DPH7: variants seen among roughly 807,000 people sequenced by gnomAD.
DPH7 encodes diphthamide biosynthesis 7.
Under a neutral mutation model 41.7 loss-of-function variants are expected in DPH7, and 44 were observed. The ratio of observed to expected loss-of-function variants is 1.05; its 90% CI spans 0.83 to 1.36. DPH7 has a LOEUF of 1.36. Ranked by LOEUF, DPH7 falls within the 40% of genes most tolerant of loss-of-function variation. The probability of loss-of-function intolerance (pLI) is 0.00; values close to 1 mark genes in which losing one functional copy is unlikely to be tolerated. For synonymous variants in DPH7, 275 were observed against 238.0 expected, an observed-to-expected ratio of 1.16 and a Z score of -1.43; for missense variants, 629 against 577.5, an observed-to-expected ratio of 1.09 and a Z score of -0.91.
chr9:137,577,241 C>T (rs752606174), intron 2 of DPH7, among the ~76,000 whole-genome samples: 41 of 152,054 alleles, frequency 2.7e-4, no homozygotes, highest in East Asian at 7.7e-4. Context: ...AAACAAAAGA[C>T]GCCCCAGGTT....
intron 5 of DPH7, among the ~76,000 whole-genome samples, chr9:137,573,169 G>A: frequency 6.6e-6 from 1 of 151,830 alleles, no homozygotes; most frequent in East Asian, 1.9e-4. Context: ...AGACCACCCT[G>A]GCTAACACAG....
rs71493678 is a variant in DPH7, at chr9:137,577,053, C to CAAAAA, written c.287+412_287+416dup. 1.4e-3 allele frequency among the ~76,000 whole-genome samples: 195 copies of CAAAAA among 139,262 alleles called. 2 individuals are homozygous for CAAAAA. The highest frequency in any genetic ancestry group is 3.3e-3 in the African/African-American group (124 of 37,598). The allele number at this position is 139,262 out of a possible 152,430, so 91.4% of individuals were successfully genotyped here. A position where few individuals can be genotyped will look rare whatever the true frequency, so the allele number is the denominator to read the frequency against. On this transcript the variant is annotated intron_variant, in intron 2 of 8. Transcript: ENST00000277540. The stretch of plus-strand genomic sequence containing the variant: ...TGGGCAACGGAACAAAACCCTGCCT[C>CAAAAA]AAAAAAAAAAAAATTAAAAAGGATA...
chr9:137,573,276 G>A (rs1840762342), intron 5 of DPH7, among the ~76,000 whole-genome samples: 1 of 150,444 alleles, frequency 6.6e-6, no homozygotes, highest in Admixed American at 6.7e-5. Flanking sequence ...CAGGAGAATG[G>A]CGTGAACCTG....
intron 5 of DPH7, among the ~76,000 whole-genome samples, chr9:137,571,477 G>A (rs573347886): frequency 2.0e-5 from 3 of 152,216 alleles, no homozygotes; most frequent in South Asian, 2.1e-4. Flanking sequence ...GAGCCACCGC[G>A]CCTGGCCTAT....
intron 8 of DPH7, 58 bp downstream of exon 8, chr9:137,564,376 A>AG: frequency 6.4e-7 from 1 of 1,560,372 alleles, no homozygotes; most frequent in Non-Finnish European, 8.7e-7. Context: ...CAGCAGAGCG[A>AG]GGGGGCAGGG....
intron 8 of DPH7, among the ~76,000 whole-genome samples, chr9:137,558,530 G>A (rs1188627456): frequency 6.6e-6 from 1 of 152,162 alleles, no homozygotes; most frequent in African/African-American, 2.4e-5. Flanking sequence ...GCTCCAACAG[G>A]GGTGAACCTT....
chr9:137,571,614 C>CCT, intron 5 of DPH7, among the ~76,000 whole-genome samples: 1 of 151,920 alleles, frequency 6.6e-6, no homozygotes, highest in East Asian at 1.9e-4. Flanking sequence ...ATGGTAAAAC[C>CCT]GCATCTCTAC....
rs189100304 is a variant in DPH7, at chr9:137,563,744, G to A, written c.949+690C>T. Among the ~76,000 whole-genome samples the A allele has an allele frequency of 3.5e-3, 529 of 152,126 alleles. 4 individuals carry two copies. The highest frequency in any genetic ancestry group is 0.012 in the African/African-American group (516 of 41,482). ...TGTGATTGCTTATTTTTGGAGTGAGGGGAGAGAGAAGAGGCGAAAGAGGAG... is the reference window on the plus strand; with the variant it reads ...TGTGATTGCTTATTTTTGGAGTGAGAGGAGAGAGAAGAGGCGAAAGAGGAG... On this transcript the variant is annotated intron_variant, in intron 8 of 8. Coordinates refer to ENST00000277540, the MANE Select transcript of DPH7 (RefSeq NM_138778.5).
chr9:137,564,395 C>T, intron 8 of DPH7, 39 bp downstream of exon 8: 1 of 1,589,760 alleles, frequency 6.3e-7, no homozygotes, highest in Non-Finnish European at 8.6e-7. Context: ...GGAACTGGTG[C>T]CCTGCCCTGA....
chr9:137,578,584 G>T, intron 1 of DPH7, 41 bp downstream of exon 1: 1 of 1,432,322 alleles, frequency 7.0e-7, no homozygotes, highest in Non-Finnish European at 9.1e-7. Context: ...CAACCTCGTG[G>T]CCGGCCCCGC....
chr9:137,574,815 C>A lies in DPH7; in HGVS notation c.404G>T (p.Ser135Ile), dbSNP rs759058181. The A allele has an allele frequency of 5.6e-6, 9 of 1,613,906 alleles. No homozygotes were observed. The East Asian group carries it at 2.0e-4, about 36-fold the overall frequency. Reference sequence around the variant, plus strand: ...CAGACACTGCTCCTCCAGGGCAAGGCTGGACAATGGCTCCAGCACGTGGCT... The same window carrying A: ...CAGACACTGCTCCTCCAGGGCAAGGATGGACAATGGCTCCAGCACGTGGCT... ...EKSHVLEPLS[S>I]LALEEQCLAL... is the part of the protein sequence containing the mutation. Residue 135 changes from serine (S) to isoleucine (I), a missense_variant, in exon 4 of 9, where the codon AGC becomes ATC. By Grantham distance (142) the Ser-to-Ile change is moderately radical. Transcript: ENST00000277540.
chr9:137,569,266 C>A (rs563997638), intron 5 of DPH7, among the ~76,000 whole-genome samples: 1 of 149,620 alleles, frequency 6.7e-6, no homozygotes, highest in Admixed American at 6.7e-5. Flanking sequence ...ATCCACCCCC[C>A]GACCTCACCC....
intron 8 of DPH7, among the ~76,000 whole-genome samples, chr9:137,563,045 G>A (rs1231831569): frequency 2.0e-5 from 3 of 152,082 alleles, no homozygotes; most frequent in African/African-American, 7.2e-5. Flanking sequence ...TCAGGAGGCT[G>A]AGATGGGAGG....
At position 137,574,237 on chromosome 9, in the gene DPH7, T is replaced by A; in HGVS notation, c.611A>T (p.Asn204Ile). The change falls in exon 5 of 9, where the codon AAT becomes ATT. Residue 204 changes from asparagine (N) to isoleucine (I), a missense_variant. Coordinates refer to ENST00000277540, the MANE Select transcript of DPH7 (RefSeq NM_138778.5). Reference sequence around the variant, plus strand: ...ATACACAATTTCTGGATGCCAGTAATTGAAAGCAGCAATCCAGGCCTCGAA... The same window carrying A: ...ATACACAATTTCTGGATGCCAGTAAATGAAAGCAGCAATCCAGGCCTCGAA... ...HQFEAWIAAF[N>I]YWHPEIVYSG... 6.2e-7 allele frequency: 1 copy of A among 1,614,142 alleles called. No individual in the cohort carries two copies.
At chr9:137,571,385 C>T (rs760792284) in intron 5 of DPH7, among the ~76,000 whole-genome samples, 8 of 151,964 alleles carry the variant, frequency 5.3e-5, no homozygotes, top group Non-Finnish European at 1.2e-4. Flanking sequence ...TGGGGTTTCA[C>T]CATGTTGGCC....
chr9:137,556,807 C>T lies in DPH7; in HGVS notation c.950-1159G>A, dbSNP rs1408590939. ...ACGTCCACTCGGGCCAGCAGGACCT[C>T]TTCTACAGCTTAGGAAAAGGTAATA... On this transcript the variant is annotated intron_variant, in intron 8 of 8. Transcript: ENST00000277540. This position sits in a 1 kb window ranked among gnomAD's most constrained non-coding sequence, Gnocchi z 5.2. 3.1e-5 allele frequency: 14 copies of T among 456,622 alleles called. No homozygotes were observed. The highest frequency in any genetic ancestry group is 2.3e-4 in the Admixed American group (10 of 42,580). 28.3% of individuals were successfully genotyped at this position (456,622 alleles called of 1,614,324 possible). A position where few individuals can be genotyped will look rare whatever the true frequency, so the allele number is the denominator to read the frequency against.
intron 4 of DPH7, 98 bp downstream of exon 4, chr9:137,574,654 G>T: frequency 8.4e-7 from 1 of 1,187,914 alleles, no homozygotes; most frequent in Non-Finnish European, 1.2e-6. Flanking sequence ...GAGGAGCACA[G>T]TCGCAGCTCG....
Position 137,564,579 on chromosome 9 carries a change from G to A in DPH7, c.804C>T (p.Asp268=), listed in dbSNP as rs775931836. Reference sequence around the variant, plus strand: ...CCAACGGCTGCTTCATGTTTCGTGTGTCCCACAGTAGGATGTGTTCATCAT... The same window carrying A: ...CCAACGGCTGCTTCATGTTTCGTGTATCCCACAGTAGGATGTGTTCATCAT... ...GSYDEHILLW[D]TRNMKQPLAD... is the part of the protein sequence containing the mutation. Residue 268 remains aspartate (D), a synonymous_variant, in exon 8 of 9, where the codon GAC becomes GAT. Coordinates refer to ENST00000277540, the MANE Select transcript of DPH7 (RefSeq NM_138778.5). 12 of 1,613,730 alleles carry A rather than the reference G, an allele frequency of 7.4e-6. No homozygotes were observed. In the South Asian group the frequency reaches 1.3e-4, roughly 18 times the overall value.
In DPH7 at chr9:137,556,116, C is replaced by T. The variant is rs888214172; in HGVS notation, c.950-468G>A. Among the ~76,000 whole-genome samples, 10 of 152,104 alleles carry T rather than the reference C, an allele frequency of 6.6e-5. No homozygotes were observed. The highest frequency in any genetic ancestry group is 1.3e-4 in the Admixed American group (2 of 15,268). On this transcript the variant is annotated intron_variant, in intron 8 of 8. Coordinates refer to ENST00000277540, the MANE Select transcript of DPH7 (RefSeq NM_138778.5). The surrounding 1 kb of genome is among the most constrained non-coding windows in gnomAD (Gnocchi z 5.2). ...GTCAGTGAGTGACAGTGGGCTGGAG[C>T]GTCCCAAGCATGCAGGGTCCGGCAC...
Sources: allele counts gnomAD v4.1 joint callset (sites outside exome capture counted in the v4.1 genomes callset), GRCh38; gene constraint gnomAD v4.1.1; non-coding constraint Gnocchi (gnomAD v3.1); transcripts MANE v1.5; gene names NCBI Gene and HGNC (gene_info 2026-07-23, HGNC 2026-07-21).